Variants in GUCY1A2 observed in about 807,000 individuals in gnomAD.
GUCY1A2 encodes the protein guanylate cyclase 1 soluble subunit alpha 2, also known as guanylate cyclase soluble subunit alpha-2.
A neutral mutation model predicts 63.5 loss-of-function variants in GUCY1A2; 27 were observed. The ratio of observed to expected loss-of-function variants is 0.43; its 90% CI spans 0.31 to 0.59. GUCY1A2 has a LOEUF of 0.59. Ranked by LOEUF, GUCY1A2 falls within the 20% of genes least tolerant of loss-of-function variation. The pLI, the probability that GUCY1A2 is intolerant of heterozygous loss-of-function variation, is 0.11. For missense variants in GUCY1A2, 768 were observed against 913.3 expected (o/e 0.84, Z 2.05); for synonymous variants, 364 against 343.5 (o/e 1.06, Z -0.66).
chr11:106,777,834 A>T (rs558611551), intron 5 of GUCY1A2, among the ~76,000 whole-genome samples: 40 of 152,220 alleles, frequency 2.6e-4, no homozygotes, highest in South Asian at 8.3e-4. Context: ...TATAATTTTT[A>T]AAAAAAGGAA....
At chr11:106,935,111 G>T (rs1035822444) in intron 4 of GUCY1A2, among the ~76,000 whole-genome samples, 1 of 152,100 alleles carries the variant, frequency 6.6e-6, no homozygotes, top group Non-Finnish European at 1.5e-5. Flanking sequence ...GTGACAAGTG[G>T]TCTTCTAGTC....
chr11:106,938,141 T>C (rs1045413386), intron 4 of GUCY1A2, among the ~76,000 whole-genome samples: 4 of 152,144 alleles, frequency 2.6e-5, no homozygotes, highest in African/African-American at 7.2e-5. Context: ...GGTTTCATCA[T>C]GTTGGCCAGG....
Position 106,676,851 on chromosome 11 carries a change from G to A in GUCY1A2, c.*10698C>T. ...TTTCTAACTTAAGACATTTGTAAGGGGGTAAAAATAGGAGATTGTCCAAAC... is the reference window on the plus strand; with the variant it reads ...TTTCTAACTTAAGACATTTGTAAGGAGGTAAAAATAGGAGATTGTCCAAAC... On this transcript the variant is annotated 3_prime_UTR_variant, in exon 8 of 8. Coordinates refer to ENST00000526355, the MANE Select transcript of GUCY1A2 (RefSeq NM_000855.3). 5.0e-6 allele frequency: 1 copy of A among 200,748 alleles called. No individual in the cohort carries two copies. The allele number at this position is 200,748 out of a possible 1,614,324, so 12.4% of individuals were successfully genotyped here. A position where few individuals can be genotyped will look rare whatever the true frequency, so the allele number is the denominator to read the frequency against.
chr11:107,001,006 A>AGGT (rs1861605946), intron 1 of GUCY1A2, among the ~76,000 whole-genome samples: 1 of 152,226 alleles, frequency 6.6e-6, no homozygotes, highest in Non-Finnish European at 1.5e-5. Context: ...CTACTGAATT[A>AGGT]AGATAATAAG....
chr11:106,853,746 G>T (rs565753344), intron 4 of GUCY1A2, among the ~76,000 whole-genome samples: 1 of 152,092 alleles, frequency 6.6e-6, no homozygotes, highest in Non-Finnish European at 1.5e-5. Context: ...TGATACCTCT[G>T]CATCTGTCTT....
rs188450102 is a variant in GUCY1A2, at chr11:106,986,078, T to C, written c.357A>G (p.Gln119=). The stretch of plus-strand genomic sequence containing the variant: ...AATCAATTTTTACTTACCCAATAAC[T>C]TGATGTTCATAATACTGCAGTGTCC... ...LKRTLQYYEH[Q]VIGYRDAEKN... Residue 119 remains glutamine (Q), a synonymous_variant, in exon 2 of 8, where the codon CAA becomes CAG. Coordinates refer to ENST00000526355, the MANE Select transcript of GUCY1A2 (RefSeq NM_000855.3). 2 of 1,443,360 alleles carry C rather than the reference T, an allele frequency of 1.4e-6. No homozygotes were observed. The highest frequency in any genetic ancestry group is 2.3e-5 in the East Asian group (1 of 44,052). The allele number at this position is 1,443,360 out of a possible 1,614,324, so 89.4% of individuals were successfully genotyped here.
intron 6 of GUCY1A2, among the ~76,000 whole-genome samples, chr11:106,729,239 A>T (rs926240547): frequency 6.6e-6 from 1 of 152,124 alleles, no homozygotes; most frequent in Admixed American, 6.6e-5. Flanking sequence ...GATTGAAGCT[A>T]GAAGGAAGAA....
intron 3 of GUCY1A2, among the ~76,000 whole-genome samples, chr11:106,942,046 T>G (rs770583233): frequency 1.3e-5 from 2 of 152,208 alleles, no homozygotes; most frequent in Non-Finnish European, 2.9e-5. Flanking sequence ...TAGACAATAA[T>G]AGTACTTATC....
chr11:106,706,543 G>GAGTT (rs1347876851), intron 7 of GUCY1A2, among the ~76,000 whole-genome samples: 6 of 137,952 alleles, frequency 4.3e-5, no homozygotes, highest in Non-Finnish European at 7.8e-5. Context: ...ATGGCTGGCA[G>GAGTT]AGTTTTTTTT....
At chr11:106,734,375 A>G (rs1275791426) in intron 6 of GUCY1A2, among the ~76,000 whole-genome samples, 1 of 152,132 alleles carries the variant, frequency 6.6e-6, no homozygotes, top group Non-Finnish European at 1.5e-5. Flanking sequence ...AGAATATCCT[A>G]CAAACTTGAG....
At position 106,889,606 on chromosome 11, in the gene GUCY1A2, A is replaced by G. The variant is rs115664413; in HGVS notation, c.1206+49854T>C. ...ATAAAAAATGATTTTATTTTACACA[A>G]GTGCTAAAACTTTTGGGTTTTTTCT... On this transcript the variant is annotated intron_variant, in intron 4 of 7. Transcript: ENST00000526355. Among the ~76,000 whole-genome samples the G allele has an allele frequency of 8.3e-3, 1,259 of 152,324 alleles. 10 individuals are homozygous for G. The highest frequency in any genetic ancestry group is 0.028 in the African/African-American group (1,170 of 41,566).
Position 106,678,555 on chromosome 11 carries a change from A to T in GUCY1A2, c.*8994T>A. On this transcript the variant is annotated 3_prime_UTR_variant, in exon 8 of 8. Coordinates refer to ENST00000526355, the MANE Select transcript of GUCY1A2 (RefSeq NM_000855.3). ...GAAATAGTTCTTGGGAGGCAATAAA[A>T]GTAGAATTGCTGTAGGAATTGAGGT... 1 of 213,032 alleles carries T rather than the reference A, an allele frequency of 4.7e-6. No individual in the cohort carries two copies. The highest frequency in any genetic ancestry group is 9.5e-6 in the Non-Finnish European group (1 of 105,178). The allele number at this position is 213,032 out of a possible 1,614,324, so 13.2% of individuals were successfully genotyped here.
rs183219539 is a variant in GUCY1A2, at chr11:106,801,186, A to G, written c.1692+8807T>C. Among the ~76,000 whole-genome samples the G allele has an allele frequency of 2.5e-3, 378 of 152,298 alleles. 1 individual carries two copies. Among genetic ancestry groups the G allele is most frequent in the African/African-American group, 8.6e-3 (358 of 41,578 alleles). On this transcript the variant is annotated intron_variant, in intron 5 of 7. Coordinates refer to ENST00000526355, the MANE Select transcript of GUCY1A2 (RefSeq NM_000855.3). ...ATACCTTAAAAAAGGAAACCTAGTT[A>G]TATTTTTACCTCTAGGGTAGAATTC...
At chr11:106,954,012 C>T (rs1421271066) in intron 3 of GUCY1A2, among the ~76,000 whole-genome samples, 1 of 151,984 alleles carries the variant, frequency 6.6e-6, no homozygotes. Context: ...TCTCTATCTC[C>T]TTCAATTCTT....
intron 4 of GUCY1A2, among the ~76,000 whole-genome samples, chr11:106,874,708 G>C (rs1040228203): frequency 1.3e-5 from 2 of 151,764 alleles, no homozygotes; most frequent in African/African-American, 4.8e-5. Context: ...GTTAGCAACA[G>C]AACTACTCTC....
At chr11:106,867,327 C>T (rs991357244) in intron 4 of GUCY1A2, among the ~76,000 whole-genome samples, 1 of 152,072 alleles carries the variant, frequency 6.6e-6, no homozygotes, top group Admixed American at 6.6e-5. Context: ...TTCTACCATT[C>T]TGAAAACACC....
chr11:106,978,845 G>A (rs1232392977), intron 2 of GUCY1A2, 105 bp from the exon 3 acceptor site: 4 of 660,422 alleles, frequency 6.1e-6, no homozygotes, highest in Non-Finnish European at 1.0e-5. Flanking sequence ...TTTCATCATA[G>A]TCACATTTTA....
intron 4 of GUCY1A2, among the ~76,000 whole-genome samples, chr11:106,876,022 A>G (rs997764453): frequency 6.6e-6 from 1 of 152,136 alleles, no homozygotes; most frequent in African/African-American, 2.4e-5. Flanking sequence ...GACCCTTTCC[A>G]GGTGAAAGCA....
chr11:106,813,927 T>G (rs938889950), intron 4 of GUCY1A2, among the ~76,000 whole-genome samples: 1 of 152,084 alleles, frequency 6.6e-6, no homozygotes, highest in Non-Finnish European at 1.5e-5. Context: ...ATTACTATCC[T>G]CAGTTTTAAG....
Sources: allele counts gnomAD v4.1 joint callset (sites outside exome capture counted in the v4.1 genomes callset), GRCh38; gene constraint gnomAD v4.1.1; transcripts MANE v1.5; gene names NCBI Gene and HGNC (gene_info 2026-07-23, HGNC 2026-07-21).